Variants in OLA1 observed in about 807,000 individuals in gnomAD.
The protein encoded by OLA1 is Obg like ATPase 1.
In OLA1, 14 loss-of-function variants were observed where a neutral mutation model predicts 48.4. The observed-to-expected ratio is 0.29, with a 90% CI of 0.19 to 0.45. The LOEUF is 0.45. OLA1 is among the 20% of genes least tolerant of loss of function. OLA1 has a pLI of 1.00. For synonymous variants in OLA1, 127 were observed against 150.4 expected (o/e 0.84, Z 1.14); for missense variants, 325 against 467.1 (o/e 0.70, Z 2.80).
chr2:174,247,972 A>G, intron 1 of OLA1: 1 of 594,870 alleles, frequency 1.7e-6, no homozygotes, highest in Non-Finnish European at 2.8e-6. Flanking sequence ...TGAGAGTTGT[A>G]CCTCCTAGGA....
intron 2 of OLA1, among the ~76,000 whole-genome samples, chr2:174,246,384 A>G (rs1016052406): frequency 2.0e-5 from 3 of 152,182 alleles, no homozygotes; most frequent in Non-Finnish European, 4.4e-5. Context: ...TCTTTATAAC[A>G]GCAAACCTTT....
intron 7 of OLA1, among the ~76,000 whole-genome samples, chr2:174,105,918 G>A (rs1431414727): frequency 6.6e-6 from 1 of 151,932 alleles, no homozygotes; most frequent in Non-Finnish European, 1.5e-5. Context: ...TCCGTAAACG[G>A]CAACAATTAA....
intron 7 of OLA1, among the ~76,000 whole-genome samples, chr2:174,086,894 T>C (rs566030548): frequency 1.6e-4 from 24 of 152,338 alleles, no homozygotes; most frequent in Admixed American, 1.2e-3. Context: ...GGGGAGCTGC[T>C]ATATTAGCTC....
chr2:174,219,423 CTTTTTTTTTTTTT>C (rs372577919), intron 4 of OLA1, among the ~76,000 whole-genome samples: 22 of 94,886 alleles, frequency 2.3e-4, no homozygotes, highest in South Asian at 4.6e-4. Flanking sequence ...TTTTATTTCC[CTTTTTTTTTTTTT>C]TTTTTTTTTT....
At chr2:174,222,983 A>G (rs778208670) in intron 4 of OLA1, 50 bp downstream of exon 4, 65 of 1,545,020 alleles carry the variant, frequency 4.2e-5, no homozygotes, top group Non-Finnish European at 4.5e-5. Context: ...TAATGGAAAG[A>G]AAACACTGAT....
intron 5 of OLA1, among the ~76,000 whole-genome samples, chr2:174,126,815 T>A (rs16862419): frequency 0.1 from 15,659 of 152,248 alleles, 1,144 homozygotes; most frequent in African/African-American, 0.2. Flanking sequence ...AATGGCAATA[T>A]GTTCTCTTGG....
intron 4 of OLA1, among the ~76,000 whole-genome samples, chr2:174,159,727 A>G (rs905938482): frequency 3.9e-5 from 6 of 152,148 alleles, no homozygotes; most frequent in Non-Finnish European, 8.8e-5. Context: ...CATAAACTAT[A>G]AAGTTATTAT....
chr2:174,200,358 T>C (rs1687964872), intron 4 of OLA1, among the ~76,000 whole-genome samples: 1 of 152,144 alleles, frequency 6.6e-6, no homozygotes, highest in Non-Finnish European at 1.5e-5. Context: ...TTCTTTTCTA[T>C]AAAAATACGT....
intron 4 of OLA1, among the ~76,000 whole-genome samples, chr2:174,208,126 T>C (rs1001779679): frequency 1.3e-5 from 2 of 152,154 alleles, no homozygotes; most frequent in African/African-American, 4.8e-5. Flanking sequence ...AAAAAATTGA[T>C]GTTACTGCTG....
At chr2:174,189,955 C>A (rs1687739828) in intron 4 of OLA1, among the ~76,000 whole-genome samples, 1 of 151,022 alleles carries the variant, frequency 6.6e-6, no homozygotes, top group African/African-American at 2.4e-5. Context: ...AACATTACAG[C>A]CATAAAATGA....
chr2:174,076,804 C>CAT (rs58241590), intron 10 of OLA1, among the ~76,000 whole-genome samples: 63,190 of 150,240 alleles, frequency 0.42, 14,127 homozygotes, highest in East Asian at 0.94. Context: ...ATATATGACA[C>CAT]ATATGTGTGT....
At chr2:174,151,064 G>A (rs2105388264) in intron 4 of OLA1, among the ~76,000 whole-genome samples, 1 of 152,180 alleles carries the variant, frequency 6.6e-6, no homozygotes, top group African/African-American at 2.4e-5. Flanking sequence ...GGTGGGCATG[G>A]AGGATAGGGA....
intron 5 of OLA1, among the ~76,000 whole-genome samples, chr2:174,130,301 A>C (rs1230868756): frequency 6.6e-6 from 1 of 152,156 alleles, no homozygotes; most frequent in East Asian, 1.9e-4. Context: ...CCAGAAAAGG[A>C]TTGGGCAATA....
rs534045761 is a variant in OLA1, at chr2:174,211,782, T to C, written c.373+11251A>G. Among the ~76,000 whole-genome samples, 5 of 152,326 alleles carry C rather than the reference T, an allele frequency of 3.3e-5. No individual in the cohort carries two copies. In the East Asian group the frequency reaches 7.7e-4, roughly 23 times the overall value. ...TAGCAAATAGCCACAAGATATTAAG[T>C]ACCATTAAGTTATTAAGAAGTACTT... On this transcript the variant is annotated intron_variant, in intron 4 of 10. Transcript: ENST00000284719.
chr2:174,131,206 A>G (rs1014396289), intron 5 of OLA1, among the ~76,000 whole-genome samples: 1 of 152,122 alleles, frequency 6.6e-6, no homozygotes, highest in African/African-American at 2.4e-5. Flanking sequence ...AACTTATAGA[A>G]ATAATCACAC....
chr2:174,240,128 A>C (rs1028181918), intron 2 of OLA1: 7 of 152,210 alleles, frequency 4.6e-5, no homozygotes, highest in African/African-American at 1.2e-4. Flanking sequence ...ATTTCAAAAG[A>C]AATTTTTTTT....
intron 4 of OLA1, among the ~76,000 whole-genome samples, chr2:174,207,075 T>C (rs1340828130): frequency 6.6e-6 from 1 of 152,192 alleles, no homozygotes; most frequent in Non-Finnish European, 1.5e-5. Flanking sequence ...TTTATGTTCA[T>C]GGTTACTAAA....
At chr2:174,082,493 C>G (rs923452245) in intron 7 of OLA1, among the ~76,000 whole-genome samples, 3 of 152,122 alleles carry the variant, frequency 2.0e-5, no homozygotes, top group African/African-American at 7.2e-5. Flanking sequence ...AAGAGCCCTT[C>G]ACAAATAAAT....
chr2:174,107,613 C>T (rs1019156513), intron 7 of OLA1, among the ~76,000 whole-genome samples: 2 of 152,090 alleles, frequency 1.3e-5, no homozygotes, highest in African/African-American at 4.8e-5. Context: ...ACATAAAATA[C>T]AGTTGTCACA....
Sources: gnomAD v4.1 joint callset for allele counts (sites outside exome capture counted in the v4.1 genomes callset) on GRCh38, gnomAD v4.1.1 for gene constraint, MANE v1.5 for transcripts, NCBI Gene and HGNC (gene_info 2026-07-23, HGNC 2026-07-21) for gene names.